CES5A: variants seen among roughly 807,000 people sequenced by gnomAD.
CES5A encodes carboxylesterase 5.
Under a neutral mutation model 62.9 loss-of-function variants are expected in CES5A, and 67 were observed. The observed-to-expected ratio is 1.07, with a 90% confidence interval of 0.88 to 1.31. CES5A has a LOEUF of 1.31. Ranked by LOEUF, CES5A falls within the 50% of genes most tolerant of loss-of-function variation. The pLI is 0.00. For synonymous variants in CES5A, 296 were observed against 280.8 expected (o/e 1.05, Z -0.54); for missense variants, 748 against 708.5 (o/e 1.06, Z -0.63).
At chr16:55,953,257 C>T (rs2034577252) in intron 1 of CES5A, among the ~76,000 whole-genome samples, 1 of 152,042 alleles carries the variant, frequency 6.6e-6, no homozygotes, top group South Asian at 2.1e-4. Context: ...AGAAACAATC[C>T]TTTTAAAATC....
chr16:55,928,905 T>C (rs982785809), upstream of CES5A, among the ~76,000 whole-genome samples: 1 of 152,148 alleles, frequency 6.6e-6, no homozygotes, highest in East Asian at 1.9e-4. Context: ...AGGTCCCAGG[T>C]GACTCTGACC....
intron 1 of CES5A, among the ~76,000 whole-genome samples, chr16:55,950,652 G>C (rs2034544425): frequency 6.6e-6 from 1 of 151,136 alleles, no homozygotes; most frequent in Non-Finnish European, 1.5e-5. Context: ...CATTTAACAG[G>C]AATTCCAGAA....
chr16:55,861,275 T>C lies in CES5A; in HGVS notation c.915+137A>G, dbSNP rs1472310304. 6.4e-6 allele frequency: 4 copies of C among 621,522 alleles called. No homozygotes were observed. In the Admixed American group the frequency reaches 1.2e-4, roughly 18 times the overall value. The allele number at this position is 621,522 out of a possible 1,614,324, so 38.5% of individuals were successfully genotyped here. Reference sequence around the variant, plus strand: ...AGGGTTCTATATCCCTACTTATTTTTTTACAGCTGTTACCAAGTACCTCAA... The same window carrying C: ...AGGGTTCTATATCCCTACTTATTTTCTTACAGCTGTTACCAAGTACCTCAA... On this transcript the variant is annotated intron_variant, in intron 7 of 12. Coordinates refer to ENST00000290567, the MANE Select transcript of CES5A (RefSeq NM_001143685.2).
At chr16:55,864,828 A>G (rs1421257922) in intron 5 of CES5A, among the ~76,000 whole-genome samples, 3 of 148,700 alleles carry the variant, frequency 2.0e-5, no homozygotes, top group Non-Finnish European at 3.0e-5. Flanking sequence ...ATGATTGCCT[A>G]TGACCAGGAG....
intron 1 of CES5A, among the ~76,000 whole-genome samples, chr16:55,885,912 C>A (rs2033810787): frequency 6.6e-6 from 1 of 152,226 alleles, no homozygotes; most frequent in African/African-American, 2.4e-5. Context: ...ACATTTGGTA[C>A]ATTAGAAATA....
chr16:55,920,940 C>T (rs192853326), intron 1 of CES5A, among the ~76,000 whole-genome samples: 2 of 152,230 alleles, frequency 1.3e-5, no homozygotes, highest in East Asian at 1.9e-4. Flanking sequence ...AAAAATCAAA[C>T]CAAAATCTTG....
chr16:55,877,077 G>A (rs934014568), upstream of CES5A, among the ~76,000 whole-genome samples: 13 of 152,054 alleles, frequency 8.5e-5, no homozygotes, highest in East Asian at 3.9e-4. Context: ...CAGGAACCCC[G>A]GCAGTGGGAC....
chr16:55,932,648 G>T (rs916561820), intron 2 of CES5A, among the ~76,000 whole-genome samples: 1 of 152,180 alleles, frequency 6.6e-6, no homozygotes, highest in Non-Finnish European at 1.5e-5. Context: ...TGAAGGATAG[G>T]AAGGAGCCAG....
At chr16:55,920,081 C>A (rs978077597) in intron 1 of CES5A, among the ~76,000 whole-genome samples, 3 of 152,160 alleles carry the variant, frequency 2.0e-5, no homozygotes, top group African/African-American at 7.2e-5. Context: ...CCAAGATTAT[C>A]ATCAGAAATA....
chr16:55,935,100 G>A (rs112030808), intron 2 of CES5A, among the ~76,000 whole-genome samples: 2,298 of 152,166 alleles, frequency 0.015, 72 homozygotes, highest in African/African-American at 0.052. Context: ...GCACCACCAC[G>A]CTTGGCTAAT....
intron 1 of CES5A, among the ~76,000 whole-genome samples, chr16:55,887,565 C>T (rs571649614): frequency 6.6e-6 from 1 of 152,172 alleles, no homozygotes; most frequent in South Asian, 2.1e-4. Flanking sequence ...TGGACTCAGG[C>T]CCTGTTGCAG....
chr16:55,906,234 G>A (rs2034039068), intron 1 of CES5A, among the ~76,000 whole-genome samples: 1 of 152,228 alleles, frequency 6.6e-6, no homozygotes. Context: ...GACTGAGATT[G>A]TCCCTGTTTC....
At chr16:55,914,234 G>T (rs1294512923) in intron 1 of CES5A, among the ~76,000 whole-genome samples, 1 of 152,050 alleles carries the variant, frequency 6.6e-6, no homozygotes, top group East Asian at 1.9e-4. Flanking sequence ...CCTATAAAAT[G>T]GGGAAAATAG....
At chr16:55,877,076 C>T (rs1236828792), upstream of CES5A, among the ~76,000 whole-genome samples, 13 of 152,244 alleles carry the variant, frequency 8.5e-5, no homozygotes, top group Middle Eastern at 3.4e-3. Context: ...CCAGGAACCC[C>T]GGCAGTGGGA....
chr16:55,884,736 C>T (rs1217844852), intron 1 of CES5A, among the ~76,000 whole-genome samples: 2 of 152,134 alleles, frequency 1.3e-5, no homozygotes, highest in African/African-American at 4.8e-5. Flanking sequence ...TGACTACAGG[C>T]ATGTGCTACC....
intron 1 of CES5A, among the ~76,000 whole-genome samples, chr16:55,887,482 T>C (rs1352647424): frequency 2.0e-5 from 3 of 151,864 alleles, no homozygotes; most frequent in South Asian, 2.1e-4. Context: ...GAAAATTCAA[T>C]GTGGCAAGCC....
intron 2 of CES5A, among the ~76,000 whole-genome samples, chr16:55,935,670 C>T (rs775596243): frequency 1.6e-4 from 25 of 152,164 alleles, no homozygotes; most frequent in Non-Finnish European, 2.2e-4. Context: ...AGTTCTATAC[C>T]ATTTTTAAAC....
intron 1 of CES5A, chr16:55,955,773 G>C: frequency 6.7e-7 from 1 of 1,492,596 alleles, no homozygotes; most frequent in Non-Finnish European, 9.0e-7. Flanking sequence ...TCTAATCTAA[G>C]GCTCATCTTT....
chr16:55,945,776 G>T (rs531550593), intron 2 of CES5A, among the ~76,000 whole-genome samples: 3 of 152,284 alleles, frequency 2.0e-5, no homozygotes, highest in East Asian at 1.9e-4. Context: ...TTTAACAAGC[G>T]ATTCAGAAAA....
Sources: gnomAD v4.1 joint callset for allele counts (sites outside exome capture counted in the v4.1 genomes callset) on GRCh38, gnomAD v4.1.1 for gene constraint, MANE v1.5 for transcripts, NCBI Gene and HGNC (gene_info 2026-07-23, HGNC 2026-07-21) for gene names.